Variants in EPC2 observed in about 807,000 individuals in gnomAD.
EPC2 encodes the protein enhancer of polycomb 2, also known as enhancer of polycomb homolog 2.
EPC2 carries 14 observed loss-of-function variants against 92.1 expected under a neutral mutation model. That is an observed-to-expected ratio of 0.15 (90% confidence interval 0.10 to 0.24). EPC2 has a LOEUF of 0.24. Among genes scored for constraint, EPC2 ranks in the 10% least tolerant of loss-of-function variants. The probability of loss-of-function intolerance (pLI) is 1.00; values close to 1 mark genes in which losing one functional copy is unlikely to be tolerated. For missense variants in EPC2, 755 were observed against 971.5 expected (o/e 0.78, Z 2.96); for synonymous variants, 340 against 334.7 (o/e 1.02, Z -0.17).
chr2:148,707,874 A>T (rs998586576), intron 2 of EPC2, among the ~76,000 whole-genome samples: 21 of 152,342 alleles, frequency 1.4e-4, no homozygotes, highest in African/African-American at 5.1e-4. Flanking sequence ...TTGTAGCGCT[A>T]AACACCCACA....
At chr2:148,678,750 G>A (rs997319912) in intron 1 of EPC2, among the ~76,000 whole-genome samples, 1 of 152,244 alleles carries the variant, frequency 6.6e-6, no homozygotes, top group Non-Finnish European at 1.5e-5. Context: ...ATGCAGCCCT[G>A]GTGCCCACTT....
chr2:148,734,186 C>T (rs2105399931), intron 2 of EPC2, among the ~76,000 whole-genome samples: 1 of 152,064 alleles, frequency 6.6e-6, no homozygotes, highest in African/African-American at 2.4e-5. Context: ...CATGTTATCC[C>T]CGTCTTTTTT....
intron 2 of EPC2, among the ~76,000 whole-genome samples, chr2:148,732,443 C>T (rs986982360): frequency 1.3e-5 from 2 of 150,196 alleles, no homozygotes; most frequent in Admixed American, 1.3e-4. Flanking sequence ...TGCAGTGGCA[C>T]GATCTCGGCT....
intron 1 of EPC2, among the ~76,000 whole-genome samples, chr2:148,651,430 C>T (rs572105918): frequency 6.6e-6 from 1 of 152,150 alleles, no homozygotes; most frequent in African/African-American, 2.4e-5. Context: ...CACTAAAAAC[C>T]GTTTAAAACA....
intron 2 of EPC2, among the ~76,000 whole-genome samples, chr2:148,716,889 G>A (rs908197792): frequency 3.9e-5 from 6 of 152,028 alleles, no homozygotes; most frequent in Non-Finnish European, 8.8e-5. Flanking sequence ...TTGGTTGATA[G>A]ACTATTTATT....
rs372477869 is a variant in EPC2 at position 148,679,929 on chromosome 2, A to G, written c.154-10285A>G. 7.2e-5 allele frequency among the ~76,000 whole-genome samples: 11 copies of G among 152,282 alleles called. No homozygotes were observed. In the South Asian group the frequency reaches 2.1e-3, roughly 29 times the overall value. On this transcript the variant is annotated intron_variant, in intron 1 of 13. Coordinates refer to ENST00000258484, the MANE Select transcript of EPC2 (RefSeq NM_015630.4). ...CCCAAAGTGTTGGGATTATAGACATAAGCCACTGCGCCTGGCAAAAGTTTT... is the reference window on the plus strand; with the variant it reads ...CCCAAAGTGTTGGGATTATAGACATGAGCCACTGCGCCTGGCAAAAGTTTT...
intron 2 of EPC2, among the ~76,000 whole-genome samples, chr2:148,713,534 G>A (rs1015385959): frequency 3.3e-5 from 5 of 152,102 alleles, no homozygotes; most frequent in Non-Finnish European, 7.4e-5. Context: ...TTTAAGTTTA[G>A]TGTAGCCTGA....
chr2:148,656,026 G>GTGTGT lies in EPC2; in HGVS notation c.153+10856_153+10857insTGTGT, dbSNP rs1230427174. Among the ~76,000 whole-genome samples, 366 of 84,168 alleles carry GTGTGT rather than the reference G, an allele frequency of 4.3e-3. 3 individuals are homozygous for GTGTGT. The highest frequency in any genetic ancestry group is 0.026 in the Middle Eastern group (5 of 196). The allele number at this position is 84,168 out of a possible 152,430, so 55.2% of individuals were successfully genotyped here. On this transcript the variant is annotated intron_variant, in intron 1 of 13. Transcript: ENST00000258484. The stretch of plus-strand genomic sequence containing the variant: ...CTGTGTGTGTGTGTGTGTGTGTGTG[G>GTGTGT]GGGGGGGGGGGGTTATTCTAGAAAA...
intron 1 of EPC2, among the ~76,000 whole-genome samples, chr2:148,660,759 A>T (rs941954662): frequency 6.6e-6 from 1 of 151,956 alleles, no homozygotes; most frequent in African/African-American, 2.4e-5. Flanking sequence ...AACATCATTT[A>T]AAAAAATAAT....
rs188893705 is a variant in EPC2 at position 148,759,389 on chromosome 2, G to A, written c.667-2393G>A. ...ATTACAGGCGTGAGCCACTGCGCCC[G>A]GCCAAAAAAAGTACTATTATAATAA... On this transcript the variant is annotated intron_variant, in intron 4 of 13. Coordinates refer to ENST00000258484, the MANE Select transcript of EPC2 (RefSeq NM_015630.4). Among the ~76,000 whole-genome samples, 795 of 151,970 alleles carry A rather than the reference G, an allele frequency of 5.2e-3. 10 individuals are homozygous for A. The highest frequency in any genetic ancestry group is 0.018 in the African/African-American group (749 of 41,512).
chr2:148,688,343 A>G (rs1346956986), intron 1 of EPC2, among the ~76,000 whole-genome samples: 1 of 152,062 alleles, frequency 6.6e-6, no homozygotes, highest in Non-Finnish European at 1.5e-5. Context: ...GCTCACTCAT[A>G]GGTGGGAATT....
intron 3 of EPC2, among the ~76,000 whole-genome samples, chr2:148,749,478 G>A (rs1683046320): frequency 6.7e-6 from 1 of 149,858 alleles, no homozygotes; most frequent in African/African-American, 2.5e-5. Context: ...TCACATCATC[G>A]GTTTTTTTTT....
intron 2 of EPC2, among the ~76,000 whole-genome samples, chr2:148,693,583 A>T (rs1681683393): frequency 6.6e-6 from 1 of 152,100 alleles, no homozygotes; most frequent in East Asian, 1.9e-4. Flanking sequence ...TTCTTCCTCT[A>T]CACTGTAACC....
intron 10 of EPC2, among the ~76,000 whole-genome samples, chr2:148,776,174 A>T (rs992025672): frequency 1.3e-5 from 2 of 152,104 alleles, no homozygotes; most frequent in Admixed American, 6.5e-5. Context: ...ATTCATTCTT[A>T]AATTGTCATA....
intron 4 of EPC2, among the ~76,000 whole-genome samples, chr2:148,759,942 T>C (rs1345907612): frequency 6.6e-6 from 1 of 152,138 alleles, no homozygotes; most frequent in Non-Finnish European, 1.5e-5. Context: ...GATAATTATT[T>C]GGGCATAAAG....
intron 4 of EPC2, among the ~76,000 whole-genome samples, chr2:148,760,902 G>A (rs1410717205): frequency 1.3e-5 from 2 of 152,070 alleles, no homozygotes; most frequent in Non-Finnish European, 1.5e-5. Context: ...ATTAAATCAA[G>A]GCATGAATGA....
At chr2:148,771,953 C>A (rs1455620716) in intron 10 of EPC2, among the ~76,000 whole-genome samples, 2 of 152,040 alleles carry the variant, frequency 1.3e-5, no homozygotes, top group Non-Finnish European at 2.9e-5. Context: ...CGTGCACCAC[C>A]ACGCCCAGCT....
At chr2:148,757,940 C>T (rs994470678) in intron 4 of EPC2, among the ~76,000 whole-genome samples, 2 of 151,870 alleles carry the variant, frequency 1.3e-5, no homozygotes, top group Admixed American at 6.6e-5. Flanking sequence ...AAAATTATTC[C>T]AGGTGTAGGG....
At position 148,762,810 on chromosome 2, in the gene EPC2, T is replaced by G; in HGVS notation, c.948+8T>G. The G allele has an allele frequency of 6.3e-7, 1 of 1,597,378 alleles. No homozygotes were observed. Among genetic ancestry groups the G allele is most frequent in the Non-Finnish European group, 8.5e-7 (1 of 1,173,922 alleles). On this transcript the variant is annotated splice_region_variant and intron_variant, in intron 6 of 13. Transcript: ENST00000258484. ...CAAGAATGTAAAACTAAGGTGAATA[T>G]TGTCTGGGAAGAAGCATGTATGGAT...
Sources: allele counts gnomAD v4.1 joint callset (sites outside exome capture counted in the v4.1 genomes callset), GRCh38; gene constraint gnomAD v4.1.1; transcripts MANE v1.5; gene names NCBI Gene and HGNC (gene_info 2026-07-23, HGNC 2026-07-21).